SH3TC2: variants seen among roughly 807,000 people sequenced by gnomAD.
The protein encoded by SH3TC2 is SH3 domain and tetratricopeptide repeats 2.
A neutral mutation model predicts 124.5 loss-of-function variants in SH3TC2; 87 were observed. The observed-to-expected ratio is 0.70, with a 90% CI of 0.59 to 0.84. The LOEUF (loss-of-function observed/expected upper bound fraction) is 0.84. Among genes scored for constraint, SH3TC2 ranks in the 40% least tolerant of loss-of-function variants. The probability of loss-of-function intolerance (pLI) is 0.00; values close to 1 mark genes in which losing one functional copy is unlikely to be tolerated. For missense variants in SH3TC2, 1,536 were observed against 1,566.4 expected (o/e 0.98, Z 0.33); for synonymous variants, 634 against 628.5 (o/e 1.01, Z -0.13).
chr5:149,040,887 G>C (rs1040111381), intron 6 of SH3TC2, among the ~76,000 whole-genome samples: 9 of 152,198 alleles, frequency 5.9e-5, no homozygotes, highest in African/African-American at 2.2e-4. Flanking sequence ...GGCTCCGAAA[G>C]TAGTTTGTCA....
Position 148,986,754 on chromosome 5 carries a change from C to A in SH3TC2, c.*17957G>T, listed in dbSNP as rs191187957. ...AGAGCATAAGAATTGCTCAGTCAACCAAATGTGACGAGCCTAAATCCCATT... is the reference window on the plus strand; with the variant it reads ...AGAGCATAAGAATTGCTCAGTCAACAAAATGTGACGAGCCTAAATCCCATT... On this transcript the variant is annotated 3_prime_UTR_variant, in exon 17 of 17. Transcript: ENST00000515425. Among the ~76,000 whole-genome samples the A allele has an allele frequency of 7.0e-4, 107 of 152,242 alleles. No individual in the cohort carries two copies. The highest frequency in any genetic ancestry group is 2.4e-3 in the African/African-American group (100 of 41,542).
chr5:149,013,498 CA>C (rs528284649), intron 12 of SH3TC2, among the ~76,000 whole-genome samples: 197 of 152,232 alleles, frequency 1.3e-3, no homozygotes, highest in African/African-American at 4.5e-3. Flanking sequence ...GTTACTAATA[CA>C]AAATAGACAC....
In SH3TC2 at chr5:149,053,896, G is replaced by A. The variant is rs190035950; in HGVS notation, c.53-1656C>T. Among the ~76,000 whole-genome samples the A allele has an allele frequency of 2.4e-3, 365 of 152,280 alleles. 1 individual carries two copies. Among genetic ancestry groups the A allele is most frequent in the African/African-American group, 8.5e-3 (353 of 41,570 alleles). On this transcript the variant is annotated intron_variant, in intron 1 of 16. Transcript: ENST00000515425. Reference sequence around the variant, plus strand: ...AATGATGGTTACTAGAGGCAGAGAAGGGTGTGTGCGCTAGGGAGAAGTAGG... The same window carrying A: ...AATGATGGTTACTAGAGGCAGAGAAAGGTGTGTGCGCTAGGGAGAAGTAGG...
At position 149,000,188 on chromosome 5, in the gene SH3TC2, C is replaced by A. The variant is rs879201387; in HGVS notation, c.*4523G>T. On this transcript the variant is annotated 3_prime_UTR_variant, in exon 17 of 17. Coordinates refer to ENST00000515425, the MANE Select transcript of SH3TC2 (RefSeq NM_024577.4). ...TCATATTACATAATATATCATTTGCCCCTTTCCTGTCACCCAGCTGAATCC... is the reference window on the plus strand; with the variant it reads ...TCATATTACATAATATATCATTTGCACCTTTCCTGTCACCCAGCTGAATCC... Among the ~76,000 whole-genome samples the A allele has an allele frequency of 6.6e-6, 1 of 152,154 alleles. No individual in the cohort carries two copies. Among genetic ancestry groups the A allele is most frequent in the Non-Finnish European group, 1.5e-5 (1 of 68,032 alleles).
At chr5:149,033,768 G>GT (rs1163610442) in intron 8 of SH3TC2, among the ~76,000 whole-genome samples, 1 of 152,180 alleles carries the variant, frequency 6.6e-6, no homozygotes, top group Non-Finnish European at 1.5e-5. Flanking sequence ...CCACTGGGAC[G>GT]TGTGGGATCT....
chr5:149,035,779 T>C (rs550390897), intron 8 of SH3TC2: 1 of 152,308 alleles, frequency 6.6e-6, no homozygotes, highest in East Asian at 1.9e-4. Flanking sequence ...AGGACGCTGC[T>C]CTTCAGTGTG....
intron 12 of SH3TC2, among the ~76,000 whole-genome samples, chr5:149,018,470 G>C (rs1202244985): frequency 6.6e-6 from 1 of 152,174 alleles, no homozygotes; most frequent in Non-Finnish European, 1.5e-5. Flanking sequence ...CATGGCAGAA[G>C]GTGAAAAGCA....
Position 148,998,290 on chromosome 5 carries a change from T to A in SH3TC2, c.*6421A>T, listed in dbSNP as rs895281526. On this transcript the variant is annotated 3_prime_UTR_variant, in exon 17 of 17. Coordinates refer to ENST00000515425, the MANE Select transcript of SH3TC2 (RefSeq NM_024577.4). ...AAGGATTTGACAGCCACTACCCTAG[T>A]CTGATTCAGAACTATTAATATTAAA... 2.8e-4 allele frequency among the ~76,000 whole-genome samples: 42 copies of A among 152,318 alleles called. No homozygotes were observed. Among genetic ancestry groups the A allele is most frequent in the African/African-American group, 9.6e-4 (40 of 41,556 alleles).
intron 7 of SH3TC2, 140 bp from the exon 8 acceptor site, chr5:149,038,630 C>T (rs1441435801): frequency 1.1e-6 from 1 of 873,972 alleles, no homozygotes; most frequent in Non-Finnish European, 1.9e-6. Context: ...CCTCCCCACC[C>T]AAAAATTGGC....
rs1273767526 is a variant in SH3TC2, at chr5:148,986,475, A to T, written c.*18236T>A. ...TATTACATCTCCTTGTCTTACTTTT[A>T]TCATAGCACTCATTTTTCTGCTGTT... On this transcript the variant is annotated 3_prime_UTR_variant, in exon 17 of 17. Transcript: ENST00000515425. Among the ~76,000 whole-genome samples the T allele has an allele frequency of 6.6e-6, 1 of 152,194 alleles. No homozygotes were observed. The highest frequency in any genetic ancestry group is 1.5e-5 in the Non-Finnish European group (1 of 68,034).
chr5:149,011,281 G>A (rs1432800), intron 13 of SH3TC2, among the ~76,000 whole-genome samples: 34,287 of 152,104 alleles, frequency 0.23, 4,339 homozygotes, highest in African/African-American at 0.31. Flanking sequence ...TATTGCATGG[G>A]CAGCTACAGA....
chr5:149,030,886 A>T (rs1754180662), intron 9 of SH3TC2, among the ~76,000 whole-genome samples: 1 of 152,158 alleles, frequency 6.6e-6, no homozygotes, highest in South Asian at 2.1e-4. Flanking sequence ...ACACAACAGT[A>T]GGCCTTTCTC....
Position 149,027,478 on chromosome 5 carries a change from C to A in SH3TC2, c.2254G>T (p.Asp752Tyr). ...QALAACEELA[D>Y]RSTQRALCLI... ...CACAGGGCCCTCTGGGTGCTCCGGT[C>A]TGCTAGTTCCTCACAGGCAGCCAGG... The change falls in exon 11 of 17, where the codon GAC (aspartate) becomes TAC (tyrosine). Residue 752 changes from aspartate to tyrosine, a missense_variant. Asp to Tyr is a radical substitution (Grantham distance 160, BLOSUM62 -3). Transcript: ENST00000515425. 1 of 1,614,188 alleles carries A rather than the reference C, an allele frequency of 6.2e-7. No individual in the cohort carries two copies. Among genetic ancestry groups the A allele is most frequent in the Non-Finnish European group, 8.5e-7 (1 of 1,180,038 alleles).
chr5:149,004,381 A>C lies in SH3TC2; in HGVS notation c.*330T>G. ...GACTGATTTCCTCATTGGGGGAGGA[A>C]GGAAGGCTCCTGGAGGGCAAGATCC... On this transcript the variant is annotated 3_prime_UTR_variant, in exon 17 of 17. Coordinates refer to ENST00000515425, the MANE Select transcript of SH3TC2 (RefSeq NM_024577.4). 2 of 298,522 alleles carry C rather than the reference A, an allele frequency of 6.7e-6. No individual in the cohort carries two copies. Among genetic ancestry groups the C allele is most frequent in the Middle Eastern group, 1.1e-3 (1 of 922 alleles). 18.5% of individuals were successfully genotyped at this position (298,522 alleles called of 1,614,324 possible). A position where few individuals can be genotyped will look rare whatever the true frequency, so the allele number is the denominator to read the frequency against.
In SH3TC2 at chr5:148,986,813, T is replaced by C. The variant is rs951188953; in HGVS notation, c.*17898A>G. ...GTAATCTCCCAGTCCTGTTCTGTCT[T>C]GCTCCTCCAAGGGACACGTTGTATA... On this transcript the variant is annotated 3_prime_UTR_variant, in exon 17 of 17. Coordinates refer to ENST00000515425, the MANE Select transcript of SH3TC2 (RefSeq NM_024577.4). Among the ~76,000 whole-genome samples the C allele has an allele frequency of 3.9e-5, 6 of 152,180 alleles. No individual in the cohort carries two copies. Among genetic ancestry groups the C allele is most frequent in the African/African-American group, 1.4e-4 (6 of 41,428 alleles).
Position 148,991,036 on chromosome 5 carries a change from A to G in SH3TC2, c.*13675T>C, listed in dbSNP as rs1753412178. 6.6e-6 allele frequency among the ~76,000 whole-genome samples: 1 copy of G among 152,192 alleles called. No individual in the cohort carries two copies. Among genetic ancestry groups the G allele is most frequent in the South Asian group, 2.1e-4 (1 of 4,832 alleles). ...ATTTCCCAAAACCCAGAATTAGATC[A>G]CTTGTTGAACATCTGTTGACACTTT... On this transcript the variant is annotated 3_prime_UTR_variant, in exon 17 of 17. Transcript: ENST00000515425.
rs1205750703 is a variant in SH3TC2 at position 148,994,670 on chromosome 5, G to T, written c.*10041C>A. Reference sequence around the variant, plus strand: ...TGGTTGGTTGGTTGGTTAATTGGCTGGTTGGATAAATGAATGGATGGATGG... The same window carrying T: ...TGGTTGGTTGGTTGGTTAATTGGCTTGTTGGATAAATGAATGGATGGATGG... On this transcript the variant is annotated 3_prime_UTR_variant, in exon 17 of 17. Transcript: ENST00000515425. Among the ~76,000 whole-genome samples the T allele has an allele frequency of 6.6e-6, 1 of 151,316 alleles. No individual in the cohort carries two copies. The highest frequency in any genetic ancestry group is 1.5e-5 in the Non-Finnish European group (1 of 67,926).
intron 3 of SH3TC2, chr5:149,045,289 G>T (rs1754439984): frequency 6.6e-6 from 1 of 152,216 alleles, no homozygotes; most frequent in South Asian, 2.1e-4. Flanking sequence ...ATTTTGCAAA[G>T]CATCTTCTAT....
intron 1 of SH3TC2, chr5:149,057,404 T>C (rs1200107581): frequency 3.9e-5 from 6 of 152,192 alleles, no homozygotes; most frequent in Non-Finnish European, 7.4e-5. Context: ...ATCCTTCTTT[T>C]AGTTTTTCTT....
Sources: gnomAD v4.1 joint callset for allele counts (sites outside exome capture counted in the v4.1 genomes callset) on GRCh38, gnomAD v4.1.1 for gene constraint, MANE v1.5 for transcripts, NCBI Gene and HGNC (gene_info 2026-07-23, HGNC 2026-07-21) for gene names.